Variants in PERM1 observed in about 807,000 individuals in gnomAD.
The protein encoded by PERM1 is PPARGC1 and ESRR induced regulator, muscle 1, also known as PGC-1 and ERR-induced regulator in muscle protein 1.
A neutral mutation model predicts 44.1 loss-of-function variants in PERM1; 45 were observed. That is an observed-to-expected ratio of 1.02 (90% CI 0.80 to 1.31). PERM1 has a LOEUF of 1.31. Among genes scored for constraint, PERM1 ranks in the 50% most tolerant of loss-of-function variants. The pLI, the probability that PERM1 is intolerant of heterozygous loss-of-function variation, is 0.00. For missense variants in PERM1, 1,189 were observed against 1,106.9 expected (o/e 1.07, Z -1.05); for synonymous variants, 565 against 477.1 (o/e 1.18, Z -2.40).
At chr1:980,887 C>T in exon 1 of PERM1, 1 of 1,408,152 alleles carries the variant, frequency 7.1e-7, no homozygotes, top group Non-Finnish European at 9.2e-7. Context: ...GCTGCCACTG[C>T]TGTCCCCTTG....
At chr1:979,552 A>G (rs964737618) in exon 1 of PERM1, 3 of 1,549,902 alleles carry the variant, frequency 1.9e-6, no homozygotes, top group Non-Finnish European at 2.6e-6. Context: ...GGTGAGACCC[A>G]GTGCGGGTGC....
exon 1 of PERM1, chr1:980,406 C>A (rs576998394): frequency 1.9e-6 from 3 of 1,549,842 alleles, no homozygotes; most frequent in South Asian, 1.2e-5. Flanking sequence ...CCGCAGGGAG[C>A]AGCGGGGAGC....
exon 1 of PERM1, chr1:979,703 C>T (rs374907201): frequency 8.4e-6 from 13 of 1,550,212 alleles, no homozygotes; most frequent in East Asian, 4.9e-5. Context: ...GACACAAGCC[C>T]GCTGGACTCG....
chr1:979,182 G>T lies in PERM1; in HGVS notation c.1848C>A (p.Cys616Ter), dbSNP rs540568745. ...CTCCAACGTCTGGGAAGAAGAACTC[G>T]CACATGTCCGGCCACTGGACGCCTG... The change falls in exon 1 of 3, where the codon TGC (cysteine) becomes TGA (stop). Residue 616 changes from cysteine (C) to a stop codon, truncating the protein, a stop_gained. Transcript: ENST00000433179. LOFTEE classifies it high-confidence loss of function. The T allele has an allele frequency of 4.5e-6, 7 of 1,549,988 alleles. No individual in the cohort carries two copies. The highest frequency in any genetic ancestry group is 8.7e-7 in the Non-Finnish European group (1 of 1,146,806).
At chr1:980,409 C>T (rs906728708) in exon 1 of PERM1, 7 of 1,549,740 alleles carry the variant, frequency 4.5e-6, no homozygotes, top group Admixed American at 2.0e-5. Context: ...CAGGGAGCAG[C>T]GGGGAGCCCG....
exon 1 of PERM1, chr1:979,668 G>T (rs527439217): frequency 1.3e-6 from 2 of 1,550,276 alleles, no homozygotes; most frequent in Non-Finnish European, 1.7e-6. Flanking sequence ...CGAGGCCAGC[G>T]GCGTCGGCTC....
exon 1 of PERM1, chr1:979,149 C>T (rs1370662584): frequency 3.2e-6 from 5 of 1,550,080 alleles, no homozygotes; most frequent in Non-Finnish European, 4.4e-6. Flanking sequence ...GCCGCCTCGA[C>T]CTCTGGGCTC....
At chr1:982,043 C>T (rs1216771088), upstream of PERM1, 5 of 1,287,968 alleles carry the variant, frequency 3.9e-6, no homozygotes, top group African/African-American at 3.0e-5. Flanking sequence ...GGGTCAGGAG[C>T]CAGCAGCTGA....
At chr1:975,996 G>C in exon 3 of PERM1, 1 of 636,442 alleles carries the variant, frequency 1.6e-6, no homozygotes, top group Non-Finnish European at 2.6e-6. Context: ...GGGAGTGGCC[G>C]TGGTCACTGG....
At chr1:980,893 C>T in exon 1 of PERM1, 2 of 1,410,796 alleles carry the variant, frequency 1.4e-6, no homozygotes, top group Non-Finnish European at 1.8e-6. Flanking sequence ...ACTGCTGTCC[C>T]CTTGGTCAAT....
exon 3 of PERM1, chr1:976,188 G>GGGCTGTGGCTGC: frequency 6.5e-7 from 1 of 1,545,602 alleles, no homozygotes; most frequent in East Asian, 2.4e-5. Flanking sequence ...GCTGGGGCTG[G>GGGCTGTGGCTGC]GGCTGTGGCT....
At chr1:978,745 G>T in intron 1 of PERM1, 136 bp downstream of exon 2, 3 of 778,770 alleles carry the variant, frequency 3.9e-6, no homozygotes, top group Non-Finnish European at 5.8e-6. Flanking sequence ...ATGACTGGGG[G>T]CTGGTCCCCA....
intron 2 of PERM1, 44 bp from the exon 4 acceptor site, chr1:976,313 C>A: frequency 1.4e-6 from 2 of 1,468,574 alleles, no homozygotes; most frequent in South Asian, 1.4e-5. Context: ...GCCTGGCTGT[C>A]GGCACCGTCT....
At chr1:980,964 G>A (rs1368303221) in exon 1 of PERM1, 141 of 1,469,324 alleles carry the variant, frequency 9.6e-5, no homozygotes, top group Non-Finnish European at 1.2e-4. Context: ...CACACTCATC[G>A]GCGGTGGCTG....
At chr1:979,010 G>C in exon 1 of PERM1, 1 of 1,532,768 alleles carries the variant, frequency 6.5e-7, no homozygotes, top group African/African-American at 1.4e-5. Context: ...GCCGGCCCCA[G>C]CACGCCCTCA....
exon 1 of PERM1, chr1:980,329 C>T (rs1159308355): frequency 6.5e-7 from 1 of 1,550,260 alleles, no homozygotes; most frequent in Admixed American, 2.0e-5. Context: ...CTCAGGAGCT[C>T]CTGCAGGACC....
exon 1 of PERM1, chr1:979,342 G>A (rs1341994684): frequency 5.3e-6 from 8 of 1,520,054 alleles, no homozygotes; most frequent in Non-Finnish European, 7.1e-6. Context: ...GGCAGAGGGA[G>A]GGGGGCGAGG....
At chr1:980,501 G>A (rs1365863136) in exon 1 of PERM1, 5 of 1,499,792 alleles carry the variant, frequency 3.3e-6, no homozygotes, top group African/African-American at 1.4e-5. Flanking sequence ...GGGCTCCGTG[G>A]TGGGGCTCCA....
At chr1:976,402 A>G in intron 2 of PERM1, 97 bp downstream of exon 3, 4 of 1,532,160 alleles carry the variant, frequency 2.6e-6, no homozygotes, top group Non-Finnish European at 2.6e-6. Flanking sequence ...GGAGCAGGTC[A>G]GGGGTGAGCC....
Sources: allele counts gnomAD v4.1 joint callset, GRCh38; gene constraint gnomAD v4.1.1; transcripts MANE v1.5; gene names NCBI Gene and HGNC (gene_info 2026-07-23, HGNC 2026-07-21).